Variants in ACSL6 observed in about 807,000 individuals in gnomAD.
The protein encoded by ACSL6 is long-chain-fatty-acid--CoA ligase 6.
ACSL6 carries 47 observed loss-of-function variants against 98.2 expected under a neutral mutation model. The ratio of observed to expected loss-of-function variants is 0.48; its 90% CI spans 0.38 to 0.61. The LOEUF (loss-of-function observed/expected upper bound fraction) is 0.61, where lower values mean the gene tolerates loss of function less well. ACSL6 is among the 20% of genes least tolerant of loss of function. ACSL6 has a pLI of 0.00. For synonymous variants in ACSL6, 362 were observed against 336.9 expected (o/e 1.07, Z -0.82); for missense variants, 761 against 913.4 (o/e 0.83, Z 2.15).
intron 9 of ACSL6, chr5:131,984,937 T>G (rs548293086): frequency 5.7e-5 from 11 of 194,014 alleles, no homozygotes; most frequent in African/African-American, 2.5e-4. Flanking sequence ...GGGACACTGG[T>G]GGCAGAGAAG....
intron 10 of ACSL6, chr5:131,975,794 G>T (rs1753582656): frequency 1.0e-6 from 1 of 985,374 alleles, no homozygotes; most frequent in Non-Finnish European, 1.2e-6. Context: ...TCCTCTGCTG[G>T]ACTTCCCTGC....
In ACSL6 at chr5:132,004,979, G is replaced by A. The variant is rs192040902; in HGVS notation, c.49+6526C>T. On this transcript the variant is annotated intron_variant, in intron 1 of 20. Transcript: ENST00000651883. Reference sequence around the variant, plus strand: ...AGCCTGGCCAATGTGGTGAAACCCCGTCTCTACCAAAAATACAAAAAAATT... The same window carrying A: ...AGCCTGGCCAATGTGGTGAAACCCCATCTCTACCAAAAATACAAAAAAATT... Among the ~76,000 whole-genome samples, 1,021 of 152,104 alleles carry A rather than the reference G, an allele frequency of 6.7e-3. 5 individuals carry two copies. The highest frequency in any genetic ancestry group is 0.011 in the Non-Finnish European group (747 of 67,992).
In ACSL6 at chr5:131,950,161, C is replaced by T. The variant is rs1256850853; in HGVS notation, c.*4073G>A. 1 of 193,252 alleles carries T rather than the reference C, an allele frequency of 5.2e-6. No homozygotes were observed. The highest frequency in any genetic ancestry group is 2.3e-5 in the African/African-American group (1 of 43,042). The allele number at this position is 193,252 out of a possible 1,614,324, so 12.0% of individuals were successfully genotyped here. ...ATTGAAAGTGGAATAAGCAATTCTT[C>T]AAAAAATATCCATTCTCCCCCATGC... On this transcript the variant is annotated 3_prime_UTR_variant, in exon 21 of 21. Coordinates refer to ENST00000651883, the MANE Select transcript of ACSL6 (RefSeq NM_001009185.3).
At position 131,967,678 on chromosome 5, in the gene ACSL6, T is replaced by TAAC. The variant is rs1316971008; in HGVS notation, c.1596+261_1596+262insGTT. Among the ~76,000 whole-genome samples the TAAC allele has an allele frequency of 7.4e-5, 11 of 147,754 alleles. No individual in the cohort carries two copies. In the East Asian group the frequency reaches 1.8e-3, roughly 24 times the overall value. ...AGACTCCGTCTCAAATTAATAATAATAATAATAATAATAATAATAATTAAT... is the reference window on the plus strand; with the variant it reads ...AGACTCCGTCTCAAATTAATAATAATAACAATAATAATAATAATAATAATTAAT... On this transcript the variant is annotated intron_variant, in intron 16 of 20. Transcript: ENST00000651883.
chr5:131,983,357 T>G lies in ACSL6; in HGVS notation c.916+2050A>C, dbSNP rs565444018. 5.3e-5 allele frequency: 8 copies of G among 152,344 alleles called. No homozygotes were observed. The South Asian group carries it at 1.7e-3, about 32-fold the overall frequency. 9.4% of individuals were successfully genotyped at this position (152,344 alleles called of 1,614,324 possible). On this transcript the variant is annotated intron_variant, in intron 9 of 20. Coordinates refer to ENST00000651883, the MANE Select transcript of ACSL6 (RefSeq NM_001009185.3). ...TAGGGACTTCAAAGTACTGACTTAT[T>G]CTAGGAATCTCCACAGATTTTTTCC...
chr5:131,954,826 A>G (rs910581487), intron 20 of ACSL6, among the ~76,000 whole-genome samples: 4 of 152,216 alleles, frequency 2.6e-5, no homozygotes, highest in African/African-American at 9.7e-5. Context: ...ATAGTTAACC[A>G]GCAAACGGGG....
intron 17 of ACSL6, among the ~76,000 whole-genome samples, chr5:131,964,180 A>T (rs1752886397): frequency 6.6e-6 from 1 of 152,246 alleles, no homozygotes; most frequent in Non-Finnish European, 1.5e-5. Context: ...CAATAAGCTG[A>T]CAACAAAACC....
chr5:131,986,993 ACACACAC>A, intron 7 of ACSL6, 139 bp from the exon 8 acceptor site: 1 of 772,958 alleles, frequency 1.3e-6, no homozygotes, highest in East Asian at 2.7e-5. Flanking sequence ...ACACACACAC[ACACACAC>A]CACACACAAA....
At chr5:131,960,710 C>T in intron 18 of ACSL6, 89 bp from the exon 19 acceptor site, 1 of 971,794 alleles carries the variant, frequency 1.0e-6, no homozygotes, top group East Asian at 2.6e-5. Context: ...TCAGACTCCA[C>T]CTTTTTCAAA....
chr5:131,988,947 T>G, intron 5 of ACSL6, 43 bp from the exon 6 acceptor site: 19 of 1,538,730 alleles, frequency 1.2e-5, no homozygotes, highest in Non-Finnish European at 1.6e-5. Flanking sequence ...AAGGGGAGAT[T>G]AGAGGGCTGT....
Position 131,973,395 on chromosome 5 carries a change from G to T in ACSL6, c.1074C>A (p.Val358=). The change falls in exon 12 of 21, where the codon GTC becomes GTA. Residue 358 remains valine, a synonymous_variant. Transcript: ENST00000651883. The part of the protein sequence containing the change: ...AHMFERVIQS[V]VYCHGGRVGF... ...CAACACGCCCTCCGTGGCAATAGAC[G>T]ACAGACTAGAAAGACAGGACAGGAA... 1.9e-6 allele frequency: 3 copies of T among 1,613,992 alleles called. No homozygotes were observed. The highest frequency in any genetic ancestry group is 2.2e-5 in the South Asian group (2 of 91,056).
At chr5:131,989,623 T>A in intron 4 of ACSL6, 115 bp from the exon 5 acceptor site, 278 of 559,082 alleles carry the variant, frequency 5.0e-4, no homozygotes, top group Middle Eastern at 1.1e-3. Context: ...TGAGATGGAG[T>A]CTCGATCTAT....
At chr5:132,011,835 C>A (rs1755755088), upstream of ACSL6, 2 of 1,497,944 alleles carry the variant, frequency 1.3e-6, no homozygotes. This position sits in a 1 kb window ranked among gnomAD's most constrained non-coding sequence, Gnocchi z 5.4. Context: ...GTGTCGGAAC[C>A]GCCAAGCTCC....
intron 5 of ACSL6, 82 bp from the exon 6 acceptor site, chr5:131,988,986 C>T: frequency 2.4e-6 from 3 of 1,269,082 alleles, no homozygotes; most frequent in African/African-American, 1.5e-5. Context: ...TAACCAGCGT[C>T]CCTGCTCTAA....
intron 9 of ACSL6, chr5:131,982,237 G>C (rs867714394): frequency 7.0e-6 from 1 of 142,526 alleles, no homozygotes; most frequent in African/African-American, 2.6e-5. Context: ...TCTGCCTCCC[G>C]GGTTCACGCC....
chr5:131,963,717 T>A (rs1461469482), intron 17 of ACSL6, among the ~76,000 whole-genome samples: 3 of 152,048 alleles, frequency 2.0e-5, no homozygotes, highest in African/African-American at 7.2e-5. Context: ...CTGACTGGAC[T>A]TCTGCACACA....
chr5:131,966,676 G>A (rs1753032080), intron 16 of ACSL6, 144 bp from the exon 17 acceptor site: 1 of 735,280 alleles, frequency 1.4e-6, no homozygotes, highest in Admixed American at 2.0e-5. Flanking sequence ...CAGAGGACAA[G>A]GAACAGCCAG....
At chr5:131,979,241 C>T (rs1036361848) in intron 9 of ACSL6, among the ~76,000 whole-genome samples, 2 of 152,136 alleles carry the variant, frequency 1.3e-5, no homozygotes, top group African/African-American at 4.8e-5. Context: ...CAATTTCTTC[C>T]CACTGACTCT....
At chr5:131,996,885 G>C (rs570603676) in intron 1 of ACSL6, among the ~76,000 whole-genome samples, 1 of 152,242 alleles carries the variant, frequency 6.6e-6, no homozygotes, top group African/African-American at 2.4e-5. Flanking sequence ...ACTTAGGTAC[G>C]AGAGAGTCAG....
Sources: allele counts gnomAD v4.1 joint callset (sites outside exome capture counted in the v4.1 genomes callset), GRCh38; gene constraint gnomAD v4.1.1; non-coding constraint Gnocchi (gnomAD v3.1); transcripts MANE v1.5; gene names NCBI Gene and HGNC (gene_info 2026-07-23, HGNC 2026-07-21).